The following ZNG1F variants were observed in gnomAD, a reference collection of about 807,000 sequenced individuals.
ZNG1F encodes the protein Zn regulated GTPase metalloprotein activator 1F.
chr9:41,183,650 C>G, the ZNG1F span: 4 of 1,605,282 alleles, frequency 2.5e-6, no homozygotes, highest in Non-Finnish European at 3.4e-6. Flanking sequence ...AGGATTTCTC[C>G]AGCGCACTTC....
At chr9:41,134,264 C>A in the ZNG1F span, among the ~76,000 whole-genome samples, 1 of 136,934 alleles carries the variant, frequency 7.3e-6, no homozygotes, top group African/African-American at 2.7e-5. Flanking sequence ...AATTTGTTCT[C>A]TTAAAAAAAA....
the ZNG1F span, among the ~76,000 whole-genome samples, chr9:41,142,830 A>T: frequency 2.3e-5 from 3 of 132,694 alleles, 1 homozygote; most frequent in African/African-American, 8.3e-5. Context: ...AGCCAGAGCG[A>T]GACTCCGTCT....
chr9:41,201,232 A>G, the ZNG1F span, among the ~76,000 whole-genome samples: 1 of 147,306 alleles, frequency 6.8e-6, no homozygotes, highest in African/African-American at 2.5e-5. Flanking sequence ...ATGGGCATAT[A>G]TTAATATGTG....
At chr9:41,166,196 G>A in the ZNG1F span, among the ~76,000 whole-genome samples, 1 of 116,180 alleles carries the variant, frequency 8.6e-6, no homozygotes, top group African/African-American at 3.4e-5. Context: ...TCAGGAGCTC[G>A]AGACCAGGCT....
the ZNG1F span, chr9:41,146,119 C>T: frequency 6.8e-6 from 1 of 146,656 alleles, no homozygotes; most frequent in Non-Finnish European, 1.5e-5. Context: ...TTGGGGGGTC[C>T]TAGTAAGGAG....
the ZNG1F span, among the ~76,000 whole-genome samples, chr9:41,151,664 T>G: frequency 6.6e-6 from 1 of 151,158 alleles, no homozygotes; most frequent in Non-Finnish European, 1.5e-5. Context: ...TGGCAGAAAC[T>G]CTACAAGCCA....
the ZNG1F span, among the ~76,000 whole-genome samples, chr9:41,138,044 G>GT: frequency 0.57 from 77,182 of 135,580 alleles, 27,995 homozygotes; most frequent in Non-Finnish European, 0.68. Flanking sequence ...TTGTTTTTTT[G>GT]TTTTTTGTTG....
chr9:41,183,735 G>T, the ZNG1F span: 1 of 1,600,212 alleles, frequency 6.2e-7, no homozygotes, highest in Non-Finnish European at 8.5e-7. Flanking sequence ...ACAAAGATGA[G>T]GATAACTCAA....
At chr9:41,132,477 A>C in the ZNG1F span, 4 of 1,430,078 alleles carry the variant, frequency 2.8e-6, no homozygotes, top group East Asian at 2.4e-5. Flanking sequence ...CAAACTCTTA[A>C]GCTGAGAAAA....
the ZNG1F span, chr9:41,157,132 GT>G: frequency 7.1e-6 from 1 of 140,674 alleles, no homozygotes; most frequent in African/African-American, 2.7e-5. Flanking sequence ...ATAAAGACTG[GT>G]GATTGAGTTA....
At chr9:41,165,050 T>C in the ZNG1F span, 56 of 1,580,054 alleles carry the variant, frequency 3.5e-5, 2 homozygotes, top group Middle Eastern at 8.7e-4. Flanking sequence ...ACCAAGTCTG[T>C]TTTATTAATG....
chr9:41,203,185 G>A, the ZNG1F span, among the ~76,000 whole-genome samples: 2 of 152,212 alleles, frequency 1.3e-5, no homozygotes, highest in African/African-American at 4.8e-5. Context: ...TTGTCAGCAG[G>A]GTTCTGCCAC....
chr9:41,157,224 G>T, the ZNG1F span: 1 of 146,890 alleles, frequency 6.8e-6, no homozygotes, highest in Non-Finnish European at 1.5e-5. Context: ...CACTTTGGGA[G>T]GCCGAGGCGG....
the ZNG1F span, chr9:41,183,577 A>T: frequency 6.3e-7 from 1 of 1,596,270 alleles, no homozygotes; most frequent in South Asian, 1.1e-5. Context: ...ACTGAACAGC[A>T]GAGGCAACCG....
At chr9:41,132,066 G>T in the ZNG1F span, 2 of 1,512,256 alleles carry the variant, frequency 1.3e-6, no homozygotes, top group Non-Finnish European at 8.8e-7. Context: ...GTCCTAACAA[G>T]CTTTTACGAA....
the ZNG1F span, chr9:41,146,070 GAA>G: frequency 7.0e-6 from 1 of 143,604 alleles, no homozygotes; most frequent in Non-Finnish European, 1.5e-5. Flanking sequence ...TTAGGAAAGA[GAA>G]AGAACTTGTA....
At chr9:41,141,022 C>A in the ZNG1F span, among the ~76,000 whole-genome samples, 1 of 151,550 alleles carries the variant, frequency 6.6e-6, no homozygotes, top group Non-Finnish European at 1.5e-5. Flanking sequence ...GCCACCACAC[C>A]CAGCCTAAAG....
At chr9:41,196,783 G>T in the ZNG1F span, among the ~76,000 whole-genome samples, 1 of 66,548 alleles carries the variant, frequency 1.5e-5, no homozygotes, top group African/African-American at 3.5e-5. Context: ...ATACCTGAAT[G>T]TATTATAACT....
the ZNG1F span, among the ~76,000 whole-genome samples, chr9:41,139,081 TG>T: frequency 8.9e-6 from 1 of 112,450 alleles, no homozygotes; most frequent in Non-Finnish European, 1.9e-5. Context: ...GTCGGTTTTC[TG>T]GTTCCTTCTC....
Sources: gnomAD v4.1 joint callset for allele counts (sites outside exome capture counted in the v4.1 genomes callset) on GRCh38, gnomAD v4.1.1 for gene constraint, MANE v1.5 for transcripts, NCBI Gene and HGNC (gene_info 2026-07-23, HGNC 2026-07-21) for gene names.